Variants in GRAMD1B observed in about 807,000 individuals in gnomAD.
GRAMD1B encodes GRAM domain containing 1B, also known as protein Aster-B.
Under a neutral mutation model 99.7 loss-of-function variants are expected in GRAMD1B, and 37 were observed. That is an observed-to-expected ratio of 0.37 (90% CI 0.29 to 0.49). GRAMD1B has a LOEUF of 0.49. Ranked by LOEUF, GRAMD1B falls within the 20% of genes least tolerant of loss-of-function variation. GRAMD1B has a pLI of 0.98. For synonymous variants in GRAMD1B, 427 were observed against 387.6 expected (o/e 1.10, Z -1.19); for missense variants, 888 against 1,009.2 (o/e 0.88, Z 1.63).
chr11:123,365,640 G>C (rs1481139967), intron 1 of GRAMD1B, among the ~76,000 whole-genome samples: 1 of 152,180 alleles, frequency 6.6e-6, no homozygotes, highest in African/African-American at 2.4e-5. Context: ...GGGTCTACAA[G>C]CATCTCGCTG....
intron 8 of GRAMD1B, 76 bp downstream of exon 8, chr11:123,600,624 GAATCC>G (rs1382268053): frequency 1.1e-6 from 1 of 878,788 alleles, no homozygotes; most frequent in African/African-American, 1.7e-5. Flanking sequence ...AGGGTTCTGG[GAATCC>G]CCCACTGATA....
At chr11:123,389,370 C>T (rs1182727933) in intron 1 of GRAMD1B, among the ~76,000 whole-genome samples, 51 of 150,616 alleles carry the variant, frequency 3.4e-4, no homozygotes, top group Middle Eastern at 3.4e-3. Flanking sequence ...GGTGACAGAG[C>T]CAGAGTCCAT....
At chr11:123,567,060 G>C (rs1220347513) in intron 2 of GRAMD1B, among the ~76,000 whole-genome samples, 1 of 152,218 alleles carries the variant, frequency 6.6e-6, no homozygotes, top group Non-Finnish European at 1.5e-5. Flanking sequence ...AAGAAAGTCT[G>C]CTCTGAGGAG....
At chr11:123,577,610 T>C in intron 3 of GRAMD1B, 33 bp downstream of exon 3, 1 of 1,494,634 alleles carries the variant, frequency 6.7e-7, no homozygotes, top group South Asian at 1.2e-5. Context: ...GGTACCTCCT[T>C]GTCAGGGGCT....
At chr11:123,458,703 T>C (rs1033501232) in intron 1 of GRAMD1B, 28 of 152,018 alleles carry the variant, frequency 1.8e-4, no homozygotes, top group African/African-American at 5.8e-4. Flanking sequence ...TTTTTTTTTT[T>C]TTTCCCCTCC....
chr11:123,602,286 G>C (rs1952076316), intron 8 of GRAMD1B, among the ~76,000 whole-genome samples: 1 of 147,380 alleles, frequency 6.8e-6, no homozygotes, highest in Non-Finnish European at 1.5e-5. Context: ...GAAACTGTGG[G>C]CTTGGGAGCT....
At chr11:123,368,653 C>T (rs1946408503) in intron 1 of GRAMD1B, among the ~76,000 whole-genome samples, 1 of 115,320 alleles carries the variant, frequency 8.7e-6, no homozygotes, top group Non-Finnish European at 1.6e-5. Context: ...GTACTCCAGC[C>T]TGGGTGACAC....
chr11:123,592,039 G>A (rs1054254469), intron 4 of GRAMD1B, among the ~76,000 whole-genome samples: 2 of 152,172 alleles, frequency 1.3e-5, no homozygotes, highest in Non-Finnish European at 2.9e-5. Flanking sequence ...GGGGGAGAAG[G>A]CACTAGGACA....
chr11:123,438,364 C>A (rs1053574944), intron 1 of GRAMD1B, among the ~76,000 whole-genome samples: 2 of 152,056 alleles, frequency 1.3e-5, no homozygotes, highest in African/African-American at 4.8e-5. Context: ...AGCAGTCAGC[C>A]CTCCCCTGCT....
Position 123,492,811 on chromosome 11 carries a change from A to G in GRAMD1B, c.452+11918A>G, listed in dbSNP as rs1938706505. On this transcript the variant is annotated intron_variant, in intron 2 of 19. Transcript: ENST00000635736. The surrounding 1 kb of genome is among the most constrained non-coding windows in gnomAD (Gnocchi z 4.2). ...TCAGAGGTAGGGAGAGGCTAGAGGCAGTAGGTGGCTTAACCTCAATCCTCT... is the reference window on the plus strand; with the variant it reads ...TCAGAGGTAGGGAGAGGCTAGAGGCGGTAGGTGGCTTAACCTCAATCCTCT... Among the ~76,000 whole-genome samples the G allele has an allele frequency of 6.6e-6, 1 of 151,622 alleles. No homozygotes were observed. The highest frequency in any genetic ancestry group is 1.5e-5 in the Non-Finnish European group (1 of 67,932).
At chr11:123,402,915 A>G (rs772943145) in intron 1 of GRAMD1B, among the ~76,000 whole-genome samples, 3 of 152,024 alleles carry the variant, frequency 2.0e-5, no homozygotes, top group Non-Finnish European at 4.4e-5. Context: ...TAGAAATACC[A>G]TTTGACCCAG....
chr11:123,432,957 C>T (rs1025336145), intron 1 of GRAMD1B, among the ~76,000 whole-genome samples: 5 of 152,134 alleles, frequency 3.3e-5, no homozygotes, highest in African/African-American at 7.2e-5. Flanking sequence ...TTTTTGTGGA[C>T]GCTGGGGATA....
At position 123,562,952 on chromosome 11, in the gene GRAMD1B, C is replaced by A. The variant is rs17127462; in HGVS notation, c.453-14415C>A. ...TCCCAAAGCAGGTGAAGTGATGATT[C>A]TGCTCTATTCTGAGCGGCTCAGGCC... On this transcript the variant is annotated intron_variant, in intron 2 of 19. Transcript: ENST00000635736. 7.6e-3 allele frequency among the ~76,000 whole-genome samples: 1,161 copies of A among 152,354 alleles called. 12 individuals carry two copies. Among genetic ancestry groups the A allele is most frequent in the African/African-American group, 0.026 (1,100 of 41,574 alleles).
In GRAMD1B at chr11:123,594,078, G is replaced by A. The variant is rs118067934; in HGVS notation, c.685-4G>A. On this transcript the variant is annotated splice_polypyrimidine_tract_variant and splice_region_variant and intron_variant, in intron 4 of 19. Transcript: ENST00000635736. ...TCCTACTAACCTTGGCTATTGTCAC[G>A]CAGGTGTTAAGCCCCACCTACAAGC... 39,831 of 1,603,964 alleles carry A rather than the reference G, an allele frequency of 0.025. 601 individuals carry two copies. Among genetic ancestry groups the A allele is most frequent in the Non-Finnish European group, 0.031 (35,909 of 1,170,688 alleles).
chr11:123,556,573 A>G, intron 2 of GRAMD1B, among the ~76,000 whole-genome samples: 1 of 152,224 alleles, frequency 6.6e-6, no homozygotes, highest in East Asian at 1.9e-4. Context: ...GACACTGCAC[A>G]GGACTCTCAG....
At chr11:123,542,865 G>A (rs1471593536) in intron 2 of GRAMD1B, among the ~76,000 whole-genome samples, 2 of 152,140 alleles carry the variant, frequency 1.3e-5, no homozygotes, top group Non-Finnish European at 2.9e-5. Flanking sequence ...TGTTGCCCAG[G>A]CTGGTCTTGA....
chr11:123,468,863 G>A (rs1950844332), intron 1 of GRAMD1B, among the ~76,000 whole-genome samples: 1 of 151,500 alleles, frequency 6.6e-6, no homozygotes, highest in South Asian at 2.1e-4. Context: ...GGTCACCAAG[G>A]AAGATTTACT....
intron 8 of GRAMD1B, among the ~76,000 whole-genome samples, chr11:123,602,531 A>G (rs1233261286): frequency 6.6e-6 from 1 of 151,722 alleles, no homozygotes; most frequent in Non-Finnish European, 1.5e-5. Context: ...TTTTTTAAAG[A>G]TAATGATTGC....
intron 1 of GRAMD1B, among the ~76,000 whole-genome samples, chr11:123,476,209 T>C (rs953193927): frequency 1.3e-5 from 2 of 152,036 alleles, no homozygotes; most frequent in Non-Finnish European, 2.9e-5. Context: ...CAAGTGATTC[T>C]CCTGCCTCAA....
Sources: allele counts gnomAD v4.1 joint callset (sites outside exome capture counted in the v4.1 genomes callset), GRCh38; gene constraint gnomAD v4.1.1; non-coding constraint Gnocchi (gnomAD v3.1); transcripts MANE v1.5; gene names NCBI Gene and HGNC (gene_info 2026-07-23, HGNC 2026-07-21).